The following NUP93 variants were observed in gnomAD, a reference collection of about 807,000 sequenced individuals.
NUP93 encodes nucleoporin 93, also known as nuclear pore complex protein Nup93.
NUP93 carries 55 observed loss-of-function variants against 107.8 expected under a neutral mutation model. The observed-to-expected ratio is 0.51, with a 90% CI of 0.41 to 0.64. The LOEUF (loss-of-function observed/expected upper bound fraction) is 0.64. Among genes scored for constraint, NUP93 ranks in the 30% least tolerant of loss-of-function variants. The pLI is 0.00. For missense variants in NUP93, 937 were observed against 1,044.7 expected (o/e 0.90, Z 1.42); for synonymous variants, 390 against 397.5 (o/e 0.98, Z 0.22).
rs763997171 is a variant in NUP93 at position 56,834,460 on chromosome 16, T to C, written c.1737+18T>C. The C allele has an allele frequency of 3.1e-6, 5 of 1,612,794 alleles. No homozygotes were observed. Among genetic ancestry groups the C allele is most frequent in the East Asian group, 4.5e-5 (2 of 44,884 alleles). ...GCCGAGAGGTGAGTGGGTTTCCTTT[T>C]CTCTCCTCCCCATGGTTTTCAGTGT... On this transcript the variant is annotated intron_variant, in intron 15 of 21. Coordinates refer to ENST00000308159, the MANE Select transcript of NUP93 (RefSeq NM_014669.5).
chr16:56,815,874 G>GCTGCTGCTGCTT, intron 5 of NUP93, among the ~76,000 whole-genome samples: 1 of 142,996 alleles, frequency 7.0e-6, no homozygotes, highest in African/African-American at 2.8e-5. Context: ...TACTGCTGCT[G>GCTGCTGCTGCTT]CTGCTGCTGC....
In NUP93 at chr16:56,795,322, T is replaced by C. The variant is rs79216074; in HGVS notation, c.298-3154T>C. On this transcript the variant is annotated intron_variant, in intron 3 of 21. Coordinates refer to ENST00000308159, the MANE Select transcript of NUP93 (RefSeq NM_014669.5). ...TGGAGACCACTAATGAAAATGTGTT[T>C]ATACTAAAGGTTTGTTGACTTGACA... is the stretch of plus-strand genomic sequence containing the variant. Among the ~76,000 whole-genome samples the C allele has an allele frequency of 3.0e-3, 454 of 152,322 alleles. 1 individual carries two copies. Among genetic ancestry groups the C allele is most frequent in the African/African-American group, 9.6e-3 (397 of 41,566 alleles).
intron 3 of NUP93, among the ~76,000 whole-genome samples, chr16:56,798,219 A>T (rs1369816419): frequency 6.6e-6 from 1 of 152,188 alleles, no homozygotes; most frequent in Non-Finnish European, 1.5e-5. Flanking sequence ...TCCACTTTTT[A>T]CATGTTTATG....
chr16:56,832,701 A>C (rs1198996731), intron 12 of NUP93, among the ~76,000 whole-genome samples: 1 of 152,232 alleles, frequency 6.6e-6, no homozygotes, highest in African/African-American at 2.4e-5. Context: ...CGATCGTACC[A>C]GTCACTAGAT....
intron 3 of NUP93, among the ~76,000 whole-genome samples, chr16:56,776,861 A>G (rs916706023): frequency 1.3e-5 from 2 of 152,218 alleles, no homozygotes; most frequent in African/African-American, 2.4e-5. Flanking sequence ...TGTGCCTGAA[A>G]TTTTGTGGCT....
At chr16:56,838,219 G>C (rs1408773090) in intron 18 of NUP93, among the ~76,000 whole-genome samples, 1 of 152,184 alleles carries the variant, frequency 6.6e-6, no homozygotes, top group Non-Finnish European at 1.5e-5. Context: ...TGCGCTCTCT[G>C]TAGATATTCC....
chr16:56,755,018 T>C (rs1961993753), intron 2 of NUP93, among the ~76,000 whole-genome samples: 1 of 152,240 alleles, frequency 6.6e-6, no homozygotes, highest in Non-Finnish European at 1.5e-5. Flanking sequence ...AAAATTGGAA[T>C]CTTTATACCT....
Position 56,833,237 on chromosome 16 carries a change from C to T in NUP93, c.1368C>T (p.Asn456=), listed in dbSNP as rs756425866. Reference sequence around the variant, plus strand: ...CAGGCGAGTCCCACTTTACGGTGAACCAGCAACCCTTCCTCTACTTCCAAG... The same window carrying T: ...CAGGCGAGTCCCACTTTACGGTGAATCAGCAACCCTTCCTCTACTTCCAAG... The part of the protein sequence containing the change: ...EDYGESHFTV[N]QQPFLYFQVL... The change falls in exon 13 of 22, where the codon AAC becomes AAT. Residue 456 remains asparagine (N), a synonymous_variant. Transcript: ENST00000308159. 6.3e-7 allele frequency: 1 copy of T among 1,598,102 alleles called. No individual in the cohort carries two copies. Among genetic ancestry groups the T allele is most frequent in the Admixed American group, 1.7e-5 (1 of 57,594 alleles).
chr16:56,779,228 T>C (rs1387912080), intron 3 of NUP93, among the ~76,000 whole-genome samples: 1 of 152,234 alleles, frequency 6.6e-6, no homozygotes, highest in Non-Finnish European at 1.5e-5. Context: ...TGTAGAGCCC[T>C]ACAGTTGTTC....
chr16:56,828,498 G>C (rs1343892035), intron 8 of NUP93, among the ~76,000 whole-genome samples: 1 of 152,112 alleles, frequency 6.6e-6, no homozygotes, highest in Non-Finnish European at 1.5e-5. Flanking sequence ...ATATTTTCAA[G>C]GGGTTTGAGG....
rs540817691 is a variant in NUP93, at chr16:56,832,472, T to C, written c.1345+84T>C. On this transcript the variant is annotated intron_variant, in intron 12 of 21. Coordinates refer to ENST00000308159, the MANE Select transcript of NUP93 (RefSeq NM_014669.5). Reference sequence around the variant, plus strand: ...AGTTTTCCTCTGGGAAAATTTTTCATCTCTGAACTTTTGTCTTTCTTCCAA... The same window carrying C: ...AGTTTTCCTCTGGGAAAATTTTTCACCTCTGAACTTTTGTCTTTCTTCCAA... 9 of 1,036,778 alleles carry C rather than the reference T, an allele frequency of 8.7e-6. No individual in the cohort carries two copies. In the East Asian group the frequency reaches 1.9e-4, roughly 22 times the overall value. 64.2% of individuals were successfully genotyped at this position (1,036,778 alleles called of 1,614,324 possible).
chr16:56,781,716 T>C (rs1962517760), intron 3 of NUP93: 1 of 472,922 alleles, frequency 2.1e-6, no homozygotes, highest in East Asian at 1.5e-4. Context: ...TGGTTTGGGT[T>C]GGGGAAAAAA....
At chr16:56,808,196 CTA>C (rs1205391929) in intron 5 of NUP93, among the ~76,000 whole-genome samples, 4 of 79,302 alleles carry the variant, frequency 5.0e-5, no homozygotes, top group South Asian at 3.7e-4. Context: ...AGTTATATAA[CTA>C]TATAAAATAT....
chr16:56,802,721 A>G (rs1237372246), intron 4 of NUP93, among the ~76,000 whole-genome samples: 1 of 152,206 alleles, frequency 6.6e-6, no homozygotes, highest in Non-Finnish European at 1.5e-5. Flanking sequence ...GCATATCAAT[A>G]TTATCAGTAT....
intron 21 of NUP93, among the ~76,000 whole-genome samples, chr16:56,843,288 AGT>A (rs1596869080): frequency 1.3e-5 from 2 of 152,144 alleles, no homozygotes; most frequent in East Asian, 3.9e-4. Flanking sequence ...TGTGAATGTG[AGT>A]ATTGAGATGG....
At chr16:56,758,181 G>T (rs1327249610) in intron 2 of NUP93, among the ~76,000 whole-genome samples, 1 of 152,124 alleles carries the variant, frequency 6.6e-6, no homozygotes, top group Non-Finnish European at 1.5e-5. Flanking sequence ...TTGTACCTTA[G>T]TTCTCTCATC....
intron 5 of NUP93, among the ~76,000 whole-genome samples, chr16:56,810,072 C>T (rs905882143): frequency 6.6e-6 from 1 of 152,132 alleles, no homozygotes; most frequent in Non-Finnish European, 1.5e-5. Flanking sequence ...CTTGATTGCT[C>T]TTCTCGTAAA....
At chr16:56,842,595 C>T (rs1343208262) in intron 21 of NUP93, 2 of 450,750 alleles carry the variant, frequency 4.4e-6, no homozygotes, top group South Asian at 1.6e-5. Context: ...CTCTGTTGCC[C>T]AGGCTGGAAT....
chr16:56,838,127 A>G (rs1198273959), intron 18 of NUP93, among the ~76,000 whole-genome samples: 2 of 152,194 alleles, frequency 1.3e-5, no homozygotes, highest in Non-Finnish European at 2.9e-5. Flanking sequence ...GTTTCAGACT[A>G]CCTGGATCCC....
Sources: gnomAD v4.1 joint callset for allele counts (sites outside exome capture counted in the v4.1 genomes callset) on GRCh38, gnomAD v4.1.1 for gene constraint, MANE v1.5 for transcripts, NCBI Gene and HGNC (gene_info 2026-07-23, HGNC 2026-07-21) for gene names.